The following TLK1 variants were observed in gnomAD, a reference collection of about 807,000 sequenced individuals.
The protein encoded by TLK1 is serine/threonine-protein kinase tousled-like 1.
A neutral mutation model predicts 105.3 loss-of-function variants in TLK1; 24 were observed. That is an observed-to-expected ratio of 0.23 (90% CI 0.17 to 0.32). The LOEUF is 0.32. TLK1 is among the 10% of genes least tolerant of loss of function. The pLI, the probability that TLK1 is intolerant of heterozygous loss-of-function variation, is 1.00. For missense variants in TLK1, 558 were observed against 910.5 expected (o/e 0.61, Z 4.98); for synonymous variants, 321 against 310.4 (o/e 1.03, Z -0.36).
At chr2:170,998,144 G>C (rs1226215300) in intron 18 of TLK1, among the ~76,000 whole-genome samples, 1 of 151,760 alleles carries the variant, frequency 6.6e-6, no homozygotes, top group Non-Finnish European at 1.5e-5. Flanking sequence ...AACTTAAAGA[G>C]ATTACAATGG....
At chr2:171,170,733 C>T (rs894679890) in intron 1 of TLK1, among the ~76,000 whole-genome samples, 61 of 152,220 alleles carry the variant, frequency 4.0e-4, no homozygotes, top group Admixed American at 3.4e-3. Flanking sequence ...AATAAACCTA[C>T]GTTGTTTGGT....
upstream of TLK1, among the ~76,000 whole-genome samples, chr2:171,163,631 C>A (rs1182170789): frequency 6.6e-6 from 1 of 152,172 alleles, no homozygotes; most frequent in Non-Finnish European, 1.5e-5. Flanking sequence ...CAGTTCCTCT[C>A]AAAAATGGTA....
At chr2:171,224,868 A>G (rs1055254736) in intron 1 of TLK1, among the ~76,000 whole-genome samples, 1 of 152,360 alleles carries the variant, frequency 6.6e-6, no homozygotes, top group Non-Finnish European at 1.5e-5. Context: ...GTGTATATCA[A>G]TGAAATATAA....
At chr2:171,227,486 T>C (rs998353525) in intron 1 of TLK1, among the ~76,000 whole-genome samples, 1 of 151,412 alleles carries the variant, frequency 6.6e-6, no homozygotes, top group Admixed American at 6.6e-5. Context: ...GACTTATGTG[T>C]ACCTGAGTCC....
chr2:171,135,019 T>G (rs898224490), intron 1 of TLK1, among the ~76,000 whole-genome samples: 1 of 152,110 alleles, frequency 6.6e-6, no homozygotes, highest in Non-Finnish European at 1.5e-5. Flanking sequence ...CACTTACATG[T>G]GGAATCTAAA....
chr2:171,153,461 T>C (rs897204230), intron 1 of TLK1, among the ~76,000 whole-genome samples: 1 of 152,266 alleles, frequency 6.6e-6, no homozygotes, highest in Non-Finnish European at 1.5e-5. Context: ...AGATGATGTA[T>C]GTGAAACAGT....
intron 2 of TLK1, among the ~76,000 whole-genome samples, chr2:171,111,522 T>A (rs1021587776): frequency 1.1e-4 from 16 of 150,896 alleles, no homozygotes; most frequent in African/African-American, 3.9e-4. Context: ...GAGGCATAGG[T>A]TGCAGTGAGC....
intron 1 of TLK1, among the ~76,000 whole-genome samples, chr2:171,170,594 C>A (rs1464954380): frequency 6.6e-6 from 1 of 152,232 alleles, no homozygotes; most frequent in African/African-American, 2.4e-5. Context: ...ACTCTGTCTT[C>A]TCCTCTGGTA....
At chr2:171,163,058 C>G (rs957580022), upstream of TLK1, among the ~76,000 whole-genome samples, 30 of 152,326 alleles carry the variant, frequency 2.0e-4, no homozygotes, top group African/African-American at 6.0e-4. Context: ...TCCCAAAGTG[C>G]TGGGATTACA....
intron 18 of TLK1, among the ~76,000 whole-genome samples, chr2:171,003,775 A>G (rs1684511715): frequency 6.6e-6 from 1 of 152,178 alleles, no homozygotes. Flanking sequence ...CGGCATCTTT[A>G]CATTTGTTTA....
intron 1 of TLK1, among the ~76,000 whole-genome samples, chr2:171,176,865 C>T (rs948912127): frequency 2.0e-5 from 3 of 151,982 alleles, no homozygotes; most frequent in Non-Finnish European, 4.4e-5. Flanking sequence ...AACAGTCTCC[C>T]TCTGTCACCC....
chr2:171,099,799 C>T (rs141577534), intron 2 of TLK1, among the ~76,000 whole-genome samples: 1 of 152,084 alleles, frequency 6.6e-6, no homozygotes, highest in Non-Finnish European at 1.5e-5. Flanking sequence ...ACTGAATAGT[C>T]CAACGCGAAA....
At chr2:171,057,157 T>C (rs1483764559) in intron 5 of TLK1, among the ~76,000 whole-genome samples, 5 of 152,078 alleles carry the variant, frequency 3.3e-5, no homozygotes, top group Admixed American at 2.6e-4. Flanking sequence ...ATCTATTCCA[T>C]AGCTATCTTT....
At chr2:171,143,506 C>CA (rs577555732) in intron 1 of TLK1, among the ~76,000 whole-genome samples, 8 of 44,304 alleles carry the variant, frequency 1.8e-4, no homozygotes, top group African/African-American at 2.4e-4. Context: ...ACTCTATCTC[C>CA]AAAAAAAAAA....
chr2:171,117,923 A>AC, intron 1 of TLK1, 66 bp from the exon 2 acceptor site: 1 of 1,126,454 alleles, frequency 8.9e-7, no homozygotes, highest in Middle Eastern at 2.7e-4. Flanking sequence ...TTACACACAC[A>AC]AATATATATA....
intron 9 of TLK1, 27 bp downstream of exon 9, chr2:171,050,037 C>T (rs368242988): frequency 8.7e-6 from 14 of 1,604,966 alleles, no homozygotes; most frequent in East Asian, 6.7e-5. Context: ...GAAGGGAAAG[C>T]GAAAATTTAC....
chr2:171,184,287 A>G (rs909912220), intron 1 of TLK1, among the ~76,000 whole-genome samples: 1 of 152,242 alleles, frequency 6.6e-6, no homozygotes, highest in Non-Finnish European at 1.5e-5. Flanking sequence ...TTTTTGACCT[A>G]CTGAACAATA....
At chr2:171,191,888 G>A (rs1162097511) in intron 1 of TLK1, among the ~76,000 whole-genome samples, 2 of 152,006 alleles carry the variant, frequency 1.3e-5, no homozygotes, top group South Asian at 2.1e-4. Flanking sequence ...ATGCTACTAT[G>A]CATCTCCTGG....
chr2:171,117,212 T>C (rs13410683), intron 2 of TLK1, among the ~76,000 whole-genome samples: 70,587 of 151,940 alleles, frequency 0.46, 18,308 homozygotes, highest in African/African-American at 0.71. Flanking sequence ...CTGGATCCCT[T>C]GCATGTGCAC....
Sources: allele counts gnomAD v4.1 joint callset (sites outside exome capture counted in the v4.1 genomes callset), GRCh38; gene constraint gnomAD v4.1.1; transcripts MANE v1.5; gene names NCBI Gene and HGNC (gene_info 2026-07-23, HGNC 2026-07-21).